The following CDH13 variants were observed in gnomAD, a reference collection of about 807,000 sequenced individuals.
The protein encoded by CDH13 is cadherin 13, also known as cadherin-13.
A neutral mutation model predicts 63.8 loss-of-function variants in CDH13; 24 were observed. The observed-to-expected ratio is 0.38, with a 90% CI of 0.27 to 0.53. The LOEUF (loss-of-function observed/expected upper bound fraction) is 0.53. Ranked by LOEUF, CDH13 falls within the 20% of genes least tolerant of loss-of-function variation. CDH13 has a pLI of 0.85. For synonymous variants in CDH13, 503 were observed against 355.3 expected (o/e 1.42, Z -4.67); for missense variants, 1,049 against 903.1 (o/e 1.16, Z -2.07).
At chr16:82,899,183 G>C (rs2041373028) in intron 2 of CDH13, among the ~76,000 whole-genome samples, 1 of 152,208 alleles carries the variant, frequency 6.6e-6, no homozygotes, top group African/African-American at 2.4e-5. Context: ...TGAGTGTGTG[G>C]GAGGAAGACC....
intron 5 of CDH13, among the ~76,000 whole-genome samples, chr16:83,343,361 A>G (rs893394903): frequency 6.6e-6 from 1 of 152,246 alleles, no homozygotes; most frequent in Admixed American, 6.5e-5. Flanking sequence ...TTACACAAAC[A>G]TTCCTTCAAC....
intron 10 of CDH13, among the ~76,000 whole-genome samples, chr16:83,707,050 G>A (rs982940711): frequency 5.3e-5 from 8 of 152,162 alleles, no homozygotes; most frequent in Admixed American, 1.3e-4. Context: ...AGGAGAAATG[G>A]ATAAACAGCA....
intron 3 of CDH13, among the ~76,000 whole-genome samples, chr16:83,105,168 T>C (rs938404872): frequency 2.0e-5 from 3 of 152,202 alleles, no homozygotes; most frequent in Non-Finnish European, 4.4e-5. Flanking sequence ...GATTTCACCC[T>C]TTTTGGAAAA....
intron 2 of CDH13, among the ~76,000 whole-genome samples, chr16:82,863,924 A>C (rs2040034489): frequency 6.6e-6 from 1 of 152,126 alleles, no homozygotes; most frequent in East Asian, 1.9e-4. Flanking sequence ...TGAATTTTTT[A>C]AAAGTAAGTA....
intron 5 of CDH13, among the ~76,000 whole-genome samples, chr16:83,295,784 G>C: frequency 6.6e-6 from 1 of 151,984 alleles, no homozygotes; most frequent in East Asian, 1.9e-4. Context: ...TTTAAAAGTA[G>C]AACTATCATA....
intron 6 of CDH13, among the ~76,000 whole-genome samples, chr16:83,356,695 C>G (rs1438807078): frequency 6.6e-6 from 1 of 151,952 alleles, no homozygotes; most frequent in Non-Finnish European, 1.5e-5. Flanking sequence ...CCCTTCTTAA[C>G]CAAATGGAAG....
At chr16:83,118,997 C>G (rs995589346) in intron 3 of CDH13, among the ~76,000 whole-genome samples, 1 of 152,190 alleles carries the variant, frequency 6.6e-6, no homozygotes. Flanking sequence ...CCATAGCTCT[C>G]CTTTTCTTCT....
At chr16:83,291,370 G>T (rs1004071889) in intron 5 of CDH13, among the ~76,000 whole-genome samples, 1 of 151,536 alleles carries the variant, frequency 6.6e-6, no homozygotes, top group African/African-American at 2.4e-5. Context: ...TTGTACCCCC[G>T]CTTTGTACCC....
chr16:82,994,970 G>T (rs1420638578), intron 2 of CDH13, among the ~76,000 whole-genome samples: 1 of 152,198 alleles, frequency 6.6e-6, no homozygotes, highest in Non-Finnish European at 1.5e-5. Context: ...TAAAATTGGG[G>T]TAATTATACT....
chr16:83,209,975 GGACTGGA>G (rs1305652883), intron 4 of CDH13, among the ~76,000 whole-genome samples: 4 of 152,114 alleles, frequency 2.6e-5, no homozygotes, highest in Non-Finnish European at 5.9e-5. Flanking sequence ...TTGTGGCTTC[GGACTGGA>G]GAAGCAGGTG....
chr16:82,651,085 A>C (rs1302902764), intron 1 of CDH13, among the ~76,000 whole-genome samples: 1 of 152,172 alleles, frequency 6.6e-6, no homozygotes, highest in Non-Finnish European at 1.5e-5. Context: ...GAGAAAGACT[A>C]TCAGTTTGAA....
At chr16:82,676,708 T>G (rs1311969470) in intron 1 of CDH13, among the ~76,000 whole-genome samples, 3 of 152,054 alleles carry the variant, frequency 2.0e-5, no homozygotes, top group African/African-American at 7.2e-5. Flanking sequence ...ACCTCGGACA[T>G]GAGCTATAAG....
chr16:82,683,223 A>G (rs908856229), intron 1 of CDH13, among the ~76,000 whole-genome samples: 2 of 152,144 alleles, frequency 1.3e-5, no homozygotes, highest in Non-Finnish European at 2.9e-5. Flanking sequence ...TGTTTATTGC[A>G]TCTGGGTTAC....
At chr16:82,967,437 C>T (rs1055949055) in intron 2 of CDH13, among the ~76,000 whole-genome samples, 7 of 152,176 alleles carry the variant, frequency 4.6e-5, no homozygotes, top group East Asian at 1.9e-4. Flanking sequence ...TTCGTATTTG[C>T]GCCCGCTGAA....
At chr16:83,048,551 C>A (rs2029905468) in intron 3 of CDH13, among the ~76,000 whole-genome samples, 1 of 152,150 alleles carries the variant, frequency 6.6e-6, no homozygotes, top group Non-Finnish European at 1.5e-5. Context: ...TACTCTAGTG[C>A]CTACAGTTTT....
At chr16:83,508,100 G>GGAAGGAAGGAAGGAAGGAA (rs1567722270) in intron 7 of CDH13, among the ~76,000 whole-genome samples, 2 of 59,670 alleles carry the variant, frequency 3.4e-5, no homozygotes, top group African/African-American at 6.2e-5. Flanking sequence ...AGGAAGGAAA[G>GGAAGGAAGGAAGGAAGGAA]AAGGAAGGAA....
chr16:83,181,721 G>A (rs1443236432), intron 4 of CDH13, among the ~76,000 whole-genome samples: 1 of 152,132 alleles, frequency 6.6e-6, no homozygotes, highest in Admixed American at 6.5e-5. Context: ...GTTCACCCTT[G>A]GTCCCTGGAT....
intron 6 of CDH13, among the ~76,000 whole-genome samples, chr16:83,422,376 A>T (rs538827344): frequency 6.6e-6 from 1 of 152,232 alleles, no homozygotes; most frequent in African/African-American, 2.4e-5. Flanking sequence ...GTGAATTTTG[A>T]TCATGATGAA....
At chr16:83,134,374 G>A (rs541302151) in intron 4 of CDH13, among the ~76,000 whole-genome samples, 1 of 152,018 alleles carries the variant, frequency 6.6e-6, no homozygotes, top group Admixed American at 6.6e-5. Flanking sequence ...ATTTTTAGGA[G>A]AGATGAGCTT....
Sources: gnomAD v4.1 joint callset for allele counts (sites outside exome capture counted in the v4.1 genomes callset) on GRCh38, gnomAD v4.1.1 for gene constraint, MANE v1.5 for transcripts, NCBI Gene and HGNC (gene_info 2026-07-23, HGNC 2026-07-21) for gene names.